Variants in PRIMPOL observed in about 807,000 individuals in gnomAD.
PRIMPOL encodes the protein DNA-directed primase/polymerase protein.
PRIMPOL carries 54 observed loss-of-function variants against 63.6 expected under a neutral mutation model. The observed-to-expected ratio is 0.85, with a 90% CI of 0.68 to 1.07. The LOEUF (loss-of-function observed/expected upper bound fraction) is 1.07. Ranked by LOEUF, PRIMPOL falls within the 50% of genes least tolerant of loss-of-function variation. The pLI is 0.00. For missense variants in PRIMPOL, 610 were observed against 648.3 expected, an observed-to-expected ratio of 0.94 and a Z score of 0.64; for synonymous variants, 197 against 220.2, an observed-to-expected ratio of 0.89 and a Z score of 0.93.
At chr4:184,684,370 C>T (rs1368300523) in intron 9 of PRIMPOL, among the ~76,000 whole-genome samples, 1 of 151,842 alleles carries the variant, frequency 6.6e-6, no homozygotes, top group Admixed American at 6.6e-5. Context: ...GCAGGAGAAT[C>T]GCTTGAACCC....
At chr4:184,658,624 G>A (rs754620396) in intron 3 of PRIMPOL, among the ~76,000 whole-genome samples, 1 of 152,018 alleles carries the variant, frequency 6.6e-6, no homozygotes, top group African/African-American at 2.4e-5. Context: ...AAATGGTTCC[G>A]GCTGGGTGCG....
At chr4:184,692,715 A>T (rs1278873038) in intron 13 of PRIMPOL, among the ~76,000 whole-genome samples, 1 of 152,080 alleles carries the variant, frequency 6.6e-6, no homozygotes, top group Non-Finnish European at 1.5e-5. Context: ...ATTGCTCTCC[A>T]TAAAAAGTAT....
chr4:184,658,032 AAAT>A (rs764092586), intron 3 of PRIMPOL, among the ~76,000 whole-genome samples: 34 of 148,068 alleles, frequency 2.3e-4, no homozygotes, highest in Non-Finnish European at 3.6e-4. Context: ...ATAAATAAAT[AAAT>A]ATCACTAAAT....
chr4:184,665,339 GTC>G (rs1579373746), intron 5 of PRIMPOL, among the ~76,000 whole-genome samples: 1 of 152,146 alleles, frequency 6.6e-6, no homozygotes, highest in Non-Finnish European at 1.5e-5. Context: ...ACACTGACCT[GTC>G]TCTGACTCCA....
intron 8 of PRIMPOL, among the ~76,000 whole-genome samples, chr4:184,681,440 C>G (rs1376579830): frequency 6.6e-6 from 1 of 152,116 alleles, no homozygotes; most frequent in African/African-American, 2.4e-5. Flanking sequence ...CACGCATCCT[C>G]CCTATATAAT....
chr4:184,692,643 C>T (rs1759080035), intron 13 of PRIMPOL, among the ~76,000 whole-genome samples: 1 of 151,836 alleles, frequency 6.6e-6, no homozygotes, highest in South Asian at 2.1e-4. Context: ...GAAGTGATAG[C>T]ACACATACTA....
At chr4:184,659,304 G>A in intron 3 of PRIMPOL, 36 bp from the exon 4 acceptor site, 1 of 1,524,602 alleles carries the variant, frequency 6.6e-7, no homozygotes, top group Admixed American at 1.7e-5. Context: ...TTTGCATTTT[G>A]TGAATTTTTC....
chr4:184,659,665 C>CA (rs1747713562), intron 4 of PRIMPOL, among the ~76,000 whole-genome samples: 2 of 152,134 alleles, frequency 1.3e-5, no homozygotes, highest in Admixed American at 6.5e-5. Flanking sequence ...TGCGTGTACT[C>CA]AAAGGGAGTT....
At chr4:184,651,043 A>G (rs1443531987) in intron 1 of PRIMPOL, among the ~76,000 whole-genome samples, 1 of 152,054 alleles carries the variant, frequency 6.6e-6, no homozygotes, top group East Asian at 1.9e-4. Context: ...TAATCCCAGG[A>G]CTTTGGGAGG....
chr4:184,660,547 T>C (rs1409218780), intron 4 of PRIMPOL, among the ~76,000 whole-genome samples: 4 of 152,216 alleles, frequency 2.6e-5, no homozygotes, highest in African/African-American at 7.2e-5. Flanking sequence ...GCATGCCCTA[T>C]ATTGATTTAG....
chr4:184,687,735 C>T (rs1246649426), intron 11 of PRIMPOL, among the ~76,000 whole-genome samples: 1 of 152,218 alleles, frequency 6.6e-6, no homozygotes, highest in Admixed American at 6.5e-5. Flanking sequence ...CGGCCTCAGC[C>T]TCCCGAGTAG....
In PRIMPOL at chr4:184,659,420, G is replaced by A. The variant is rs746924077; in HGVS notation, c.261G>A (p.Trp87Ter). The A allele has an allele frequency of 6.2e-7, 1 of 1,612,754 alleles. No homozygotes were observed. Among genetic ancestry groups the A allele is most frequent in the Admixed American group, 1.7e-5 (1 of 60,008 alleles). ...IYLVTTYAEF[W>*]FYYKSRKNLL... ...TTGTGACAACCTATGCTGAATTTTG[G>A]TTTTACTATAAATCCAGGTAGGTAG... The change falls in exon 4 of 14, where the codon TGG (tryptophan) becomes TGA (stop). Residue 87 changes from tryptophan to a stop codon, truncating the protein, a stop_gained. Transcript: ENST00000314970. LOFTEE classifies it high-confidence loss of function.
chr4:184,658,124 A>G (rs529195841), intron 3 of PRIMPOL, among the ~76,000 whole-genome samples: 60 of 152,002 alleles, frequency 3.9e-4, no homozygotes, highest in Non-Finnish European at 7.8e-4. Flanking sequence ...GAAAGAAACG[A>G]TAAGATGCTT....
In PRIMPOL at chr4:184,685,460, T is replaced by C. The variant is rs541709272; in HGVS notation, c.1148T>C (p.Phe383Ser). The C allele has an allele frequency of 6.2e-7, 1 of 1,613,352 alleles. No individual in the cohort carries two copies. The highest frequency in any genetic ancestry group is 8.5e-7 in the Non-Finnish European group (1 of 1,179,286). ...TCTCCCTATCCTGAAGTTGATCATT[T>C]TGTTCTTTCTTTGGTGAATAAAGAT... The part of the protein sequence containing the change: ...QCSPYPEVDH[F>S]VLSLVNKDGI... Residue 383 changes from phenylalanine to serine, a missense_variant, in exon 10 of 14, where the codon TTT (phenylalanine) becomes TCT (serine). Transcript: ENST00000314970.
At chr4:184,651,697 G>A (rs914952962) in intron 1 of PRIMPOL, among the ~76,000 whole-genome samples, 8 of 152,092 alleles carry the variant, frequency 5.3e-5, no homozygotes, top group Non-Finnish European at 7.4e-5. Flanking sequence ...TGCCCAGGCT[G>A]GAGTGCAGTG....
chr4:184,687,806 G>T (rs1270656695), intron 11 of PRIMPOL, among the ~76,000 whole-genome samples: 1 of 152,028 alleles, frequency 6.6e-6, no homozygotes, highest in Non-Finnish European at 1.5e-5. Context: ...AGTAGAGACG[G>T]GGTTTCTGCA....
intron 11 of PRIMPOL, among the ~76,000 whole-genome samples, chr4:184,689,571 G>GC (rs70962518): frequency 0.78 from 117,192 of 150,462 alleles, 46,593 homozygotes; most frequent in East Asian, 0.99. Context: ...TCCTGCCTCA[G>GC]CCCCCCGAGT....
At chr4:184,660,072 C>G (rs1221306472) in intron 4 of PRIMPOL, among the ~76,000 whole-genome samples, 1 of 151,962 alleles carries the variant, frequency 6.6e-6, no homozygotes, top group Non-Finnish European at 1.5e-5. Context: ...CCACCCACCT[C>G]GGCCTCCCAA....
intron 8 of PRIMPOL, among the ~76,000 whole-genome samples, chr4:184,680,711 G>T (rs1755394263): frequency 6.6e-6 from 1 of 152,130 alleles, no homozygotes; most frequent in African/African-American, 2.4e-5. Flanking sequence ...TTAAATGGAA[G>T]TGATACTAAC....
Sources: allele counts gnomAD v4.1 joint callset (sites outside exome capture counted in the v4.1 genomes callset), GRCh38; gene constraint gnomAD v4.1.1; transcripts MANE v1.5; gene names NCBI Gene and HGNC (gene_info 2026-07-23, HGNC 2026-07-21).